Variants in CHD1 observed in about 807,000 individuals in gnomAD.
The protein encoded by CHD1 is ATP-dependent chromatin remodeler CHD1.
CHD1 carries 36 observed loss-of-function variants against 224.2 expected under a neutral mutation model. That is an observed-to-expected ratio of 0.16 (90% CI 0.12 to 0.21). The LOEUF is 0.21. Ranked by LOEUF, CHD1 falls within the 10% of genes least tolerant of loss-of-function variation. The pLI is 1.00. For synonymous variants in CHD1, 668 were observed against 658.3 expected (o/e 1.01, Z -0.23); for missense variants, 1,378 against 1,994.8 (o/e 0.69, Z 5.89).
intron 2 of CHD1, among the ~76,000 whole-genome samples, chr5:98,922,312 T>C (rs572785225): frequency 5.3e-5 from 8 of 152,342 alleles, no homozygotes; most frequent in African/African-American, 1.9e-4. Flanking sequence ...TAAAACTTTG[T>C]GTTGAGCTGT....
intron 1 of CHD1, among the ~76,000 whole-genome samples, chr5:98,926,881 C>G (rs927117744): frequency 8.3e-6 from 1 of 120,866 alleles, no homozygotes; most frequent in African/African-American, 3.2e-5. Flanking sequence ...GAGTAGATAA[C>G]GGAGTCTTAT....
At chr5:98,875,017 A>C in intron 25 of CHD1, 55 bp downstream of exon 25, 1 of 871,224 alleles carries the variant, frequency 1.1e-6, no homozygotes, top group South Asian at 1.6e-5. Flanking sequence ...AAATAAATAA[A>C]GGTGACAGCA....
At chr5:98,872,245 TAACTGAAAAA>T in intron 27 of CHD1, 44 bp from the exon 28 acceptor site, 1 of 1,563,048 alleles carries the variant, frequency 6.4e-7, no homozygotes, top group Non-Finnish European at 8.7e-7. Flanking sequence ...GTAATTGCCT[TAACTGAAAAA>T]TTAATTTTGA....
intron 32 of CHD1, among the ~76,000 whole-genome samples, chr5:98,862,740 T>A (rs1224883509): frequency 6.6e-6 from 1 of 152,176 alleles, no homozygotes; most frequent in Non-Finnish European, 1.5e-5. Context: ...TTGGTGAAGA[T>A]ACAACTAAGT....
intron 17 of CHD1, among the ~76,000 whole-genome samples, chr5:98,886,869 G>GATT (rs1306289439): frequency 6.6e-6 from 1 of 152,068 alleles, no homozygotes; most frequent in African/African-American, 2.4e-5. Flanking sequence ...AAGTGACCTA[G>GATT]GAATGAGAAG....
At chr5:98,892,771 G>T in intron 14 of CHD1, 58 bp from the exon 15 acceptor site, 2 of 1,192,196 alleles carry the variant, frequency 1.7e-6, no homozygotes, top group Non-Finnish European at 2.3e-6. Flanking sequence ...TGTATGTTGT[G>T]TATGAACTTT....
chr5:98,900,213 C>T (rs1417730415), intron 7 of CHD1, among the ~76,000 whole-genome samples: 4 of 147,318 alleles, frequency 2.7e-5, no homozygotes, highest in Non-Finnish European at 4.5e-5. Flanking sequence ...ACCTGGGAGG[C>T]GGAGCTTGCA....
intron 12 of CHD1, among the ~76,000 whole-genome samples, chr5:98,895,501 C>T (rs2112488451): frequency 6.6e-6 from 1 of 152,088 alleles, no homozygotes; most frequent in Admixed American, 6.5e-5. Flanking sequence ...CCTGTAAATC[C>T]CAGCACTTTG....
At position 98,881,126 on chromosome 5, in the gene CHD1, T is replaced by A; in HGVS notation, c.3010A>T (p.Asn1004Tyr). The A allele has an allele frequency of 6.2e-7, 1 of 1,611,452 alleles. No individual in the cohort carries two copies. Residue 1004 changes from asparagine to tyrosine, a missense_variant, in exon 22 of 36, where the codon AAT becomes TAT. By Grantham distance (143) the Asn-to-Tyr change is moderately radical. This residue lies in a region of CHD1 where 286 missense variants were observed against 445.1 expected (regional missense o/e 0.64). Transcript: ENST00000614616. ...CCTACAGTTAAAGGACCTGGTTCAT[T>A]TTCATGAGTTTCAGCTCTCTTCAAG... ...EILKRAETHE[N>Y]EPGPLTVGDE...
rs980411326 is a variant in CHD1, at chr5:98,859,086, C to T, written c.4525-71G>A. 3.4e-6 allele frequency: 4 copies of T among 1,161,476 alleles called. No individual in the cohort carries two copies. The Admixed American group carries it at 9.3e-5, about 27-fold the overall frequency. 71.9% of individuals were successfully genotyped at this position (1,161,476 alleles called of 1,614,324 possible). The stretch of plus-strand genomic sequence containing the variant: ...AACTTACAAAAAAGCACAGATAATT[C>T]TTAGAAAATACTGATAATGAAGTCT... On this transcript the variant is annotated intron_variant, in intron 33 of 35. Transcript: ENST00000614616.
chr5:98,869,586 CTG>C (rs1749159405), intron 30 of CHD1, 166 bp downstream of exon 30: 1 of 657,658 alleles, frequency 1.5e-6, no homozygotes. Flanking sequence ...ATAATTGAGA[CTG>C]TTATGAACTA....
chr5:98,869,943 AAC>A (rs1202497776), intron 29 of CHD1, 61 bp from the exon 30 acceptor site: 7 of 1,299,592 alleles, frequency 5.4e-6, no homozygotes, highest in Non-Finnish European at 5.4e-6. Context: ...AAACTTCATA[AAC>A]ATTAAATCCA....
chr5:98,858,305 A>G lies in CHD1; in HGVS notation c.4662T>C (p.His1554=). The G allele has an allele frequency of 2.5e-6, 4 of 1,613,198 alleles. No individual in the cohort carries two copies. The highest frequency in any genetic ancestry group is 3.4e-6 in the Non-Finnish European group (4 of 1,179,266). Residue 1554 remains histidine, a synonymous_variant, in exon 35 of 36, where the codon CAT becomes CAC. Coordinates refer to ENST00000614616, the MANE Select transcript of CHD1 (RefSeq NM_001270.4). ...YSSDRHLTQY[H]DHHKDRHQGD... is the part of the protein sequence containing the mutation. ...CCTGATGTCGGTCTTTATGATGATC[A>G]TGGTACTGAGTTAAGTGTCTATCAG...
At chr5:98,884,432 C>T (rs1750493110) in intron 18 of CHD1, among the ~76,000 whole-genome samples, 1 of 152,030 alleles carries the variant, frequency 6.6e-6, no homozygotes, top group African/African-American at 2.4e-5. Context: ...ATTGTATGTT[C>T]TCACTTGTAA....
In CHD1 at chr5:98,899,722, A is replaced by C; in HGVS notation, c.860-17T>G. 6.5e-7 allele frequency: 1 copy of C among 1,549,066 alleles called. No individual in the cohort carries two copies. On this transcript the variant is annotated splice_polypyrimidine_tract_variant and intron_variant, in intron 7 of 35. Coordinates refer to ENST00000614616, the MANE Select transcript of CHD1 (RefSeq NM_001270.4). Reference sequence around the variant, plus strand: ...CACCAGTAGCTGAAAACAAAAGCACAAGATCCTTCCATGTAATTAATTCTG... The same window carrying C: ...CACCAGTAGCTGAAAACAAAAGCACCAGATCCTTCCATGTAATTAATTCTG...
intron 31 of CHD1, among the ~76,000 whole-genome samples, chr5:98,864,052 G>A (rs1047809101): frequency 2.0e-5 from 3 of 152,152 alleles, no homozygotes; most frequent in African/African-American, 4.8e-5. Flanking sequence ...GATAACAGAA[G>A]GTGGCAATAA....
At chr5:98,894,149 C>CATAAAGTAGAGAAAGTGAAT (rs1174091149) in intron 13 of CHD1, among the ~76,000 whole-genome samples, 1 of 152,142 alleles carries the variant, frequency 6.6e-6, no homozygotes, top group Non-Finnish European at 1.5e-5. Context: ...TTTTCTTTTC[C>CATAAAGTAGAGAAAGTGAAT]ATAAAGTAGA....
Position 98,872,434 on chromosome 5 carries a change from A to T in CHD1, c.3693T>A (p.Asp1231Glu), listed in dbSNP as rs1173819884. ...LIPLHKSIPS[D>E]PEERKQYTIP... ...TCACTCACTGCTTTCTTTCTTCTGG[A>T]TCAGAAGGAATGGATTTGTGCAAAG... is the stretch of plus-strand genomic sequence containing the variant. Residue 1231 changes from aspartate (D) to glutamate (E), a missense_variant, in exon 27 of 36, where the codon GAT (aspartate) becomes GAA (glutamate). Around this residue, in one of 16 missense-constraint regions of CHD1, gnomAD observed 286 missense variants for 445.1 expected, o/e 0.64. Transcript: ENST00000614616. 2 of 1,611,406 alleles carry T rather than the reference A, an allele frequency of 1.2e-6. No individual in the cohort carries two copies. The highest frequency in any genetic ancestry group is 1.7e-6 in the Non-Finnish European group (2 of 1,179,228).
intron 2 of CHD1, among the ~76,000 whole-genome samples, chr5:98,912,479 T>C (rs1752486288): frequency 6.6e-6 from 1 of 152,122 alleles, no homozygotes. Context: ...AAGACGAGCC[T>C]GCCCAACATG....
Sources: gnomAD v4.1 joint callset for allele counts (sites outside exome capture counted in the v4.1 genomes callset) on GRCh38, gnomAD v4.1.1 for gene constraint, gnomAD v4.1.1 regional missense constraint, MANE v1.5 for transcripts, NCBI Gene and HGNC (gene_info 2026-07-23, HGNC 2026-07-21) for gene names.